Variants in JAM3 observed in about 807,000 individuals in gnomAD.
JAM3 encodes junctional adhesion molecule C.
A neutral mutation model predicts 39.4 loss-of-function variants in JAM3; 31 were observed. That is an observed-to-expected ratio of 0.79 (90% confidence interval 0.59 to 1.06). The LOEUF is 1.06. Ranked by LOEUF, JAM3 falls within the 50% of genes least tolerant of loss-of-function variation. The pLI, the probability that JAM3 is intolerant of heterozygous loss-of-function variation, is 0.00. For missense variants in JAM3, 455 were observed against 391.4 expected (o/e 1.16, Z -1.37); for synonymous variants, 182 against 148.7 (o/e 1.22, Z -1.63).
At chr11:134,110,320 G>A (rs1288572526) in intron 1 of JAM3, among the ~76,000 whole-genome samples, 1 of 152,136 alleles carries the variant, frequency 6.6e-6, no homozygotes, top group East Asian at 1.9e-4. Context: ...TTATGTAAGA[G>A]AATGAAATCA....
intron 1 of JAM3, among the ~76,000 whole-genome samples, chr11:134,128,647 G>C (rs1942701983): frequency 1.3e-5 from 2 of 151,664 alleles, no homozygotes; most frequent in South Asian, 2.1e-4. Context: ...TGTGTGCTCT[G>C]TCTCTCTCCT....
At chr11:134,139,991 C>A in intron 2 of JAM3, 75 bp downstream of exon 2, 1 of 1,144,722 alleles carries the variant, frequency 8.7e-7, no homozygotes, top group Non-Finnish European at 1.3e-6. Flanking sequence ...CAACTCAGGA[C>A]ACATCTGTCT....
At chr11:134,137,449 C>T (rs969250298) in intron 1 of JAM3, among the ~76,000 whole-genome samples, 2 of 152,164 alleles carry the variant, frequency 1.3e-5, no homozygotes, top group Admixed American at 6.5e-5. Flanking sequence ...TGGCTTCATA[C>T]TTCTTAAGAG....
rs145402676 is a variant in JAM3, at chr11:134,121,529, G to A, written c.77-18322G>A. On this transcript the variant is annotated intron_variant, in intron 1 of 8. Coordinates refer to ENST00000299106, the MANE Select transcript of JAM3 (RefSeq NM_032801.5). ...TTTTGTTGTTCTTTAAAAGGGTTCA[G>A]GGTTTGGTTTTAAATCAGGCTGCAC... Among the ~76,000 whole-genome samples the A allele has an allele frequency of 6.5e-3, 991 of 152,026 alleles. 7 individuals carry two copies. The highest frequency in any genetic ancestry group is 0.022 in the African/African-American group (932 of 41,456).
At chr11:134,123,815 C>T (rs1942584877) in intron 1 of JAM3, 1 of 758,240 alleles carries the variant, frequency 1.3e-6, no homozygotes, top group Non-Finnish European at 2.4e-6. Context: ...CCTTCATTTA[C>T]ATTTCTTTCT....
intron 1 of JAM3, among the ~76,000 whole-genome samples, chr11:134,104,751 C>A (rs1261369363): frequency 6.6e-6 from 1 of 152,110 alleles, no homozygotes; most frequent in Non-Finnish European, 1.5e-5. Flanking sequence ...ACTAGAAAAT[C>A]TAGAAGAAAT....
At chr11:134,080,375 G>T (rs914662013) in intron 1 of JAM3, among the ~76,000 whole-genome samples, 1 of 152,216 alleles carries the variant, frequency 6.6e-6, no homozygotes, top group African/African-American at 2.4e-5. Flanking sequence ...GTGCTTTTAT[G>T]CATGATATGG....
chr11:134,127,878 C>T (rs1942681412), intron 1 of JAM3, among the ~76,000 whole-genome samples: 1 of 152,098 alleles, frequency 6.6e-6, no homozygotes, highest in Non-Finnish European at 1.5e-5. Context: ...TTCAGGGGAC[C>T]TCTCCATCAT....
intron 3 of JAM3, among the ~76,000 whole-genome samples, chr11:134,141,330 G>T (rs559468677): frequency 6.6e-6 from 1 of 152,248 alleles, no homozygotes; most frequent in South Asian, 2.1e-4. Context: ...AGATGGTATG[G>T]AGGGAGGTGG....
At chr11:134,124,024 C>A (rs1942589569) in intron 1 of JAM3, 1 of 1,457,764 alleles carries the variant, frequency 6.9e-7, no homozygotes, top group African/African-American at 1.4e-5. Flanking sequence ...AATCCCGCAA[C>A]ACAAGGCACT....
chr11:134,074,602 T>C (rs951632271), intron 1 of JAM3, among the ~76,000 whole-genome samples: 1 of 152,170 alleles, frequency 6.6e-6, no homozygotes, highest in African/African-American at 2.4e-5. Context: ...AATGGTTAGC[T>C]GGAAAACTGA....
intron 3 of JAM3, among the ~76,000 whole-genome samples, chr11:134,141,451 A>G (rs531242028): frequency 5.0e-4 from 75 of 151,050 alleles, no homozygotes; most frequent in African/African-American, 1.6e-3. Flanking sequence ...GGAGAGAGGG[A>G]GGAGAGGGGG....
chr11:134,131,299 T>G (rs935841556), intron 1 of JAM3, among the ~76,000 whole-genome samples: 1 of 151,984 alleles, frequency 6.6e-6, no homozygotes, highest in African/African-American at 2.4e-5. Flanking sequence ...AAGACAGTCT[T>G]GATTATACTC....
intron 1 of JAM3, 42 bp from the exon 2 acceptor site, chr11:134,139,809 T>G: frequency 1.3e-6 from 2 of 1,515,272 alleles, no homozygotes; most frequent in Non-Finnish European, 1.8e-6. Flanking sequence ...CTCTGCCGTT[T>G]GAGATACATT....
At chr11:134,115,837 C>T (rs1942418830) in intron 1 of JAM3, among the ~76,000 whole-genome samples, 1 of 152,052 alleles carries the variant, frequency 6.6e-6, no homozygotes, top group South Asian at 2.1e-4. Flanking sequence ...TTTGAGGCTG[C>T]AGTAAGCCAT....
At chr11:134,146,911 C>T (rs1943083310) in intron 6 of JAM3, among the ~76,000 whole-genome samples, 2 of 152,158 alleles carry the variant, frequency 1.3e-5, no homozygotes, top group Non-Finnish European at 2.9e-5. Context: ...TTGGAGCTCT[C>T]CTCAGAGCAG....
chr11:134,086,660 CA>C (rs1380509509), intron 1 of JAM3, among the ~76,000 whole-genome samples: 1 of 152,078 alleles, frequency 6.6e-6, no homozygotes, highest in Non-Finnish European at 1.5e-5. Flanking sequence ...ACAAAATAAA[CA>C]GCTTATTAAA....
intron 1 of JAM3, among the ~76,000 whole-genome samples, chr11:134,112,996 A>G (rs1489551702): frequency 6.6e-6 from 1 of 152,154 alleles, no homozygotes; most frequent in Non-Finnish European, 1.5e-5. Context: ...AAGGTCATCA[A>G]CAGAGCACTC....
chr11:134,112,447 A>G (rs752308195), intron 1 of JAM3, among the ~76,000 whole-genome samples: 1 of 152,148 alleles, frequency 6.6e-6, no homozygotes, highest in Non-Finnish European at 1.5e-5. Context: ...GCAGGTTTCA[A>G]GTCACTCTAT....
Sources: gnomAD v4.1 joint callset for allele counts (sites outside exome capture counted in the v4.1 genomes callset) on GRCh38, gnomAD v4.1.1 for gene constraint, MANE v1.5 for transcripts, NCBI Gene and HGNC (gene_info 2026-07-23, HGNC 2026-07-21) for gene names.